Variants in RANBP2 observed in about 807,000 individuals in gnomAD.
RANBP2 encodes the protein E3 SUMO-protein ligase RanBP2.
Under a neutral mutation model 303.6 loss-of-function variants are expected in RANBP2, and 57 were observed. That is an observed-to-expected ratio of 0.19 (90% CI 0.15 to 0.23). The LOEUF (loss-of-function observed/expected upper bound fraction) is 0.23. RANBP2 is among the 10% of genes least tolerant of loss of function. RANBP2 has a pLI of 1.00. For missense variants in RANBP2, 3,138 were observed against 3,780.8 expected (o/e 0.83, Z 4.46); for synonymous variants, 1,167 against 1,301.5 (o/e 0.90, Z 2.23).
the RANBP2 span, among the ~76,000 whole-genome samples, chr2:109,346,059 C>G: frequency 6.6e-6 from 1 of 152,220 alleles, no homozygotes; most frequent in Non-Finnish European, 1.5e-5. Flanking sequence ...CCCATTTTTT[C>G]TGATCACAGT....
At chr2:108,910,695 CGAGGAG>C in the RANBP2 span, 7 of 1,523,486 alleles carry the variant, frequency 4.6e-6, no homozygotes, top group Non-Finnish European at 6.4e-6. Context: ...GCAGAAGCAG[CGAGGAG>C]GCTGCTTCTG....
chr2:109,264,317 T>G, the RANBP2 span, among the ~76,000 whole-genome samples: 2 of 147,468 alleles, frequency 1.4e-5, no homozygotes, highest in Non-Finnish European at 3.0e-5. Context: ...CAAGTCTGTG[T>G]GTGCTCCCCG....
At chr2:109,612,077 C>T in the RANBP2 span, among the ~76,000 whole-genome samples, 3 of 151,870 alleles carry the variant, frequency 2.0e-5, no homozygotes, top group East Asian at 1.9e-4. Context: ...CAACTGAAAA[C>T]AACCTAGATA....
chr2:109,398,410 A>G, the RANBP2 span, among the ~76,000 whole-genome samples: 2 of 152,148 alleles, frequency 1.3e-5, no homozygotes, highest in African/African-American at 4.8e-5. Flanking sequence ...AGCTGCTCCA[A>G]AAACCTTTTC....
At chr2:109,545,877 G>T in the RANBP2 span, 1 of 1,440,522 alleles carries the variant, frequency 6.9e-7, no homozygotes, top group Non-Finnish European at 9.2e-7. Context: ...CTGGATGCTG[G>T]GGAAACAGCA....
the RANBP2 span, among the ~76,000 whole-genome samples, chr2:109,510,597 G>T: frequency 6.6e-6 from 1 of 152,184 alleles, no homozygotes; most frequent in Non-Finnish European, 1.5e-5. Flanking sequence ...GGCTGATGGG[G>T]TCCAGGGCTT....
chr2:109,249,536 C>CTTTTTCTTTCTTTCT, the RANBP2 span, among the ~76,000 whole-genome samples: 189 of 74,078 alleles, frequency 2.6e-3, 1 homozygote, highest in Non-Finnish European at 3.4e-3. Context: ...TCTTTCTTTC[C>CTTTTTCTTTCTTTCT]TTCCTTCCTT....
chr2:109,078,098 A>ATATATATATATATGGCG, the RANBP2 span, among the ~76,000 whole-genome samples: 247 of 60,048 alleles, frequency 4.1e-3, 11 homozygotes, highest in African/African-American at 0.02. Flanking sequence ...ATATATATAT[A>ATATATATATATATGGCG]TATATATATA....
At chr2:108,780,115 C>G (rs759392731) in intron 25 of RANBP2, among the ~76,000 whole-genome samples, 1 of 151,344 alleles carries the variant, frequency 6.6e-6, no homozygotes, top group Non-Finnish European at 1.5e-5. Flanking sequence ...ATCTTTGTAT[C>G]GCTAAGCATA....
At chr2:109,710,780 G>T in the RANBP2 span, among the ~76,000 whole-genome samples, 2 of 152,180 alleles carry the variant, frequency 1.3e-5, no homozygotes, top group South Asian at 4.1e-4. Flanking sequence ...GGTGAGAGGA[G>T]ACCTGGGGAA....
chr2:109,233,061 G>A, the RANBP2 span, among the ~76,000 whole-genome samples: 2 of 152,204 alleles, frequency 1.3e-5, no homozygotes, highest in Non-Finnish European at 2.9e-5. Flanking sequence ...TGGGGCCGGA[G>A]CTAGTGCTTT....
chr2:109,188,711 G>A, the RANBP2 span, among the ~76,000 whole-genome samples: 123,039 of 152,060 alleles, frequency 0.81, 49,906 homozygotes, highest in South Asian at 0.86. Flanking sequence ...CTCCCACCAC[G>A]TGGTGCTTGC....
the RANBP2 span, among the ~76,000 whole-genome samples, chr2:109,197,743 G>GC: frequency 2.9e-4 from 44 of 152,238 alleles, no homozygotes; most frequent in Non-Finnish European, 5.4e-4. Flanking sequence ...GGTGGCCCTG[G>GC]CCCCTATCAG....
the RANBP2 span, among the ~76,000 whole-genome samples, chr2:108,821,394 T>G: frequency 6.6e-6 from 1 of 152,082 alleles, no homozygotes; most frequent in Non-Finnish European, 1.5e-5. Context: ...TAACATAAAG[T>G]GGGAATGTGG....
chr2:109,352,751 A>G, the RANBP2 span, among the ~76,000 whole-genome samples: 1 of 152,158 alleles, frequency 6.6e-6, no homozygotes, highest in Admixed American at 6.5e-5. Context: ...CTCTGTGCAC[A>G]ATGATGCCTC....
the RANBP2 span, among the ~76,000 whole-genome samples, chr2:109,725,454 A>G: frequency 6.6e-6 from 1 of 152,168 alleles, no homozygotes; most frequent in Non-Finnish European, 1.5e-5. Flanking sequence ...GCACTTCACC[A>G]TGGTGCCATG....
the RANBP2 span, among the ~76,000 whole-genome samples, chr2:109,102,213 G>T: frequency 6.6e-6 from 1 of 151,914 alleles, no homozygotes; most frequent in Non-Finnish European, 1.5e-5. Context: ...CCATTCTCCT[G>T]CCTCAACATC....
rs766352466 is a variant in RANBP2 at position 108,764,524 on chromosome 2, C to CT, written c.3985_3986insT (p.His1329LeufsTer2). On this transcript the variant is annotated frameshift_variant, in exon 20 of 29. Transcript: ENST00000283195. LOFTEE classifies it high-confidence loss of function. ...CAGAATTGTAAAAGAACCCACAAGTCATGATAACAAGGATATTTGCAAATC... is the reference window on the plus strand; with the variant it reads ...CAGAATTGTAAAAGAACCCACAAGTCTATGATAACAAGGATATTTGCAAATC... 1 of 1,613,804 alleles carries CT rather than the reference C, an allele frequency of 6.2e-7. No homozygotes were observed. The highest frequency in any genetic ancestry group is 8.5e-7 in the Non-Finnish European group (1 of 1,179,932).
At chr2:109,141,335 T>A in the RANBP2 span, among the ~76,000 whole-genome samples, 1 of 152,168 alleles carries the variant, frequency 6.6e-6, no homozygotes, top group Non-Finnish European at 1.5e-5. Flanking sequence ...GGAGGCAGCC[T>A]CTCGTCTCTG....
Sources: allele counts gnomAD v4.1 joint callset (sites outside exome capture counted in the v4.1 genomes callset), GRCh38; gene constraint gnomAD v4.1.1; transcripts MANE v1.5; gene names NCBI Gene and HGNC (gene_info 2026-07-23, HGNC 2026-07-21).